PARP8: variants seen among roughly 807,000 people sequenced by gnomAD.
The protein encoded by PARP8 is poly(ADP-ribose) polymerase family member 8.
PARP8 carries 51 observed loss-of-function variants against 124.1 expected under a neutral mutation model. That is an observed-to-expected ratio of 0.41 (90% CI 0.33 to 0.52). PARP8 has a LOEUF of 0.52. PARP8 is among the 20% of genes least tolerant of loss of function. The probability of loss-of-function intolerance (pLI) is 0.21; values close to 1 mark genes in which losing one functional copy is unlikely to be tolerated. For synonymous variants in PARP8, 391 were observed against 361.5 expected, an observed-to-expected ratio of 1.08 and a Z score of -0.93; for missense variants, 860 against 1,018.9, an observed-to-expected ratio of 0.84 and a Z score of 2.12.
chr5:50,744,865 A>G, intron 2 of PARP8: 1 of 677,250 alleles, frequency 1.5e-6, no homozygotes, highest in Non-Finnish European at 2.7e-6. Context: ...ATGCTTCTTG[A>G]CAATATTTTC....
chr5:50,680,860 A>AG (rs1751211540), intron 2 of PARP8, among the ~76,000 whole-genome samples: 1 of 152,118 alleles, frequency 6.6e-6, no homozygotes, highest in African/African-American at 2.4e-5. Flanking sequence ...TTAGGACCCA[A>AG]GGGCATGCCT....
At chr5:50,709,043 T>C (rs1470606808) in intron 2 of PARP8, among the ~76,000 whole-genome samples, 2 of 152,070 alleles carry the variant, frequency 1.3e-5, no homozygotes, top group African/African-American at 4.8e-5. Context: ...CACCTCAGCC[T>C]CCCAAAGTGC....
intron 2 of PARP8, among the ~76,000 whole-genome samples, chr5:50,708,523 C>A (rs1754399333): frequency 6.6e-6 from 1 of 151,866 alleles, no homozygotes; most frequent in South Asian, 2.1e-4. Flanking sequence ...CTCATTGTCC[C>A]TTATAATTTT....
chr5:50,764,678 C>A (rs1760879452), intron 7 of PARP8, among the ~76,000 whole-genome samples: 1 of 152,004 alleles, frequency 6.6e-6, no homozygotes, highest in Admixed American at 6.6e-5. Context: ...AAATTAGCTG[C>A]AATAATTTTA....
At chr5:50,736,809 A>T (rs1218152481) in intron 2 of PARP8, among the ~76,000 whole-genome samples, 2 of 152,080 alleles carry the variant, frequency 1.3e-5, no homozygotes, top group Non-Finnish European at 2.9e-5. Flanking sequence ...AATAATTTCC[A>T]AAGGTAATTC....
At chr5:50,723,416 G>C (rs1756107999) in intron 2 of PARP8, among the ~76,000 whole-genome samples, 1 of 152,040 alleles carries the variant, frequency 6.6e-6, no homozygotes, top group Admixed American at 6.6e-5. Context: ...TGATTATGAT[G>C]ATGGCAATTA....
rs1281188295 is a variant in PARP8 at position 50,795,441 on chromosome 5, G to C, written c.1428+24G>C. ...CTGTGCGTAAATATTTTCATCTTGA[G>C]TTCTTAAATGTTAGCTAAGGTGCAG... On this transcript the variant is annotated intron_variant, in intron 12 of 25. Coordinates refer to ENST00000281631, the MANE Select transcript of PARP8 (RefSeq NM_024615.4). 4 of 1,531,858 alleles carry C rather than the reference G, an allele frequency of 2.6e-6. No homozygotes were observed. The African/African-American group carries it at 5.6e-5, about 21-fold the overall frequency. The allele number at this position is 1,531,858 out of a possible 1,614,324, so 94.9% of individuals were successfully genotyped here. A position where few individuals can be genotyped will look rare whatever the true frequency, so the allele number is the denominator to read the frequency against.
chr5:50,831,032 C>T (rs989554479), intron 22 of PARP8, among the ~76,000 whole-genome samples: 1 of 151,956 alleles, frequency 6.6e-6, no homozygotes, highest in Non-Finnish European at 1.5e-5. Context: ...CAAGTTGTTT[C>T]TCAATGATAG....
intron 2 of PARP8, among the ~76,000 whole-genome samples, chr5:50,740,990 A>G (rs1432926926): frequency 6.6e-6 from 1 of 152,156 alleles, no homozygotes; most frequent in Non-Finnish European, 1.5e-5. Flanking sequence ...TAATTGAGCT[A>G]TAGAGTTATT....
chr5:50,788,463 G>T, intron 9 of PARP8, 60 bp from the exon 10 acceptor site: 1 of 1,485,706 alleles, frequency 6.7e-7, no homozygotes, highest in Non-Finnish European at 9.4e-7. Flanking sequence ...CCTTTTTCTG[G>T]CTGATGGTTG....
chr5:50,775,320 C>T (rs1300420268), intron 7 of PARP8, among the ~76,000 whole-genome samples: 5 of 152,184 alleles, frequency 3.3e-5, no homozygotes, highest in South Asian at 2.1e-4. Context: ...TTCGGGAGGC[C>T]GAGGTGGGCA....
chr5:50,767,131 T>C (rs1054106818), intron 7 of PARP8, among the ~76,000 whole-genome samples: 33 of 152,148 alleles, frequency 2.2e-4, no homozygotes, highest in African/African-American at 7.5e-4. Context: ...CTTGGGCCCC[T>C]TAGTGACGAC....
chr5:50,837,174 T>TA (rs1747675749), intron 25 of PARP8, among the ~76,000 whole-genome samples: 1 of 152,152 alleles, frequency 6.6e-6, no homozygotes, highest in Non-Finnish European at 1.5e-5. Context: ...ACTTCCTAAA[T>TA]AATACAAGGA....
chr5:50,808,506 G>C (rs921763732), intron 14 of PARP8, among the ~76,000 whole-genome samples: 1 of 152,038 alleles, frequency 6.6e-6, no homozygotes, highest in Admixed American at 6.6e-5. Flanking sequence ...TTTAGGGCTA[G>C]TTTACAGTGG....
intron 2 of PARP8, among the ~76,000 whole-genome samples, chr5:50,717,419 A>G (rs2149496999): frequency 6.6e-6 from 1 of 152,188 alleles, no homozygotes; most frequent in South Asian, 2.1e-4. Context: ...AAGATAGAGA[A>G]GTATGGGAAG....
At chr5:50,811,248 A>G (rs1257341729) in intron 14 of PARP8, among the ~76,000 whole-genome samples, 2 of 152,162 alleles carry the variant, frequency 1.3e-5, no homozygotes, top group Non-Finnish European at 2.9e-5. Flanking sequence ...ACAAGTCAAT[A>G]AAGTTGATTT....
rs1245476106 is a variant in PARP8 at position 50,685,052 on chromosome 5, A to G, written c.146+16927A>G. Among the ~76,000 whole-genome samples, 3 of 152,082 alleles carry G rather than the reference A, an allele frequency of 2.0e-5. No homozygotes were observed. The East Asian group carries it at 5.8e-4, about 29-fold the overall frequency. ...AAATGCAGATTTTATGATATTCCTG[A>G]TCATTCTCTTTGCATTTAGTTTTAA... On this transcript the variant is annotated intron_variant, in intron 2 of 25. Coordinates refer to ENST00000281631, the MANE Select transcript of PARP8 (RefSeq NM_024615.4).
intron 3 of PARP8, among the ~76,000 whole-genome samples, chr5:50,754,685 T>A (rs1426381523): frequency 1.3e-5 from 2 of 152,230 alleles, no homozygotes; most frequent in Non-Finnish European, 2.9e-5. Flanking sequence ...TTATAATCCT[T>A]TGGGTATATA....
Position 50,828,029 on chromosome 5 carries a change from A to C in PARP8, c.2063A>C (p.Lys688Thr), listed in dbSNP as rs1398574394. The C allele has an allele frequency of 6.2e-7, 1 of 1,611,662 alleles. No homozygotes were observed. Among genetic ancestry groups the C allele is most frequent in the Non-Finnish European group, 8.5e-7 (1 of 1,178,016 alleles). The change falls in exon 20 of 26, where the codon AAA becomes ACA. Residue 688 changes from lysine to threonine, a missense_variant. Coordinates refer to ENST00000281631, the MANE Select transcript of PARP8 (RefSeq NM_024615.4). ...AKESNFRAAK[K>T]LFGSTFAFHG... ...GAATCCAATTTTAGAGCTGCTAAAA[A>C]ACTCTTTGGAAGCACCTTTGCATTT...
Sources: gnomAD v4.1 joint callset for allele counts (sites outside exome capture counted in the v4.1 genomes callset) on GRCh38, gnomAD v4.1.1 for gene constraint, MANE v1.5 for transcripts, NCBI Gene and HGNC (gene_info 2026-07-23, HGNC 2026-07-21) for gene names.